Variants in KCNAB1 observed in about 807,000 individuals in gnomAD.
KCNAB1 encodes the protein potassium voltage-gated channel subfamily A regulatory beta subunit 1.
In KCNAB1, 35 loss-of-function variants were observed where a neutral mutation model predicts 64.6. The observed-to-expected ratio is 0.54, with a 90% CI of 0.41 to 0.72. The LOEUF (loss-of-function observed/expected upper bound fraction) is 0.72, where lower values mean the gene tolerates loss of function less well. KCNAB1 is among the 30% of genes least tolerant of loss of function. The pLI, the probability that KCNAB1 is intolerant of heterozygous loss-of-function variation, is 0.00. For synonymous variants in KCNAB1, 177 were observed against 183.8 expected, an observed-to-expected ratio of 0.96 and a Z score of 0.30; for missense variants, 401 against 512.9, an observed-to-expected ratio of 0.78 and a Z score of 2.11.
At chr3:156,445,736 T>C (rs1711508463) in intron 2 of KCNAB1, among the ~76,000 whole-genome samples, 2 of 152,212 alleles carry the variant, frequency 1.3e-5, no homozygotes, top group Admixed American at 6.5e-5. Context: ...CTCAGGATAG[T>C]TGCAGTCTAA....
chr3:156,233,065 A>G (rs1395933591), intron 1 of KCNAB1, among the ~76,000 whole-genome samples: 1 of 152,184 alleles, frequency 6.6e-6, no homozygotes. Context: ...ATTCTTTCAA[A>G]AAATAATAGT....
chr3:156,523,852 T>C lies in KCNAB1; in HGVS notation c.986T>C (p.Ile329Thr). 4 of 1,613,608 alleles carry C rather than the reference T, an allele frequency of 2.5e-6. No homozygotes were observed. The highest frequency in any genetic ancestry group is 2.5e-6 in the Non-Finnish European group (3 of 1,179,602). The change falls in exon 12 of 14, where the codon ATT becomes ACT. Residue 329 changes from isoleucine (I) to threonine (T), a missense_variant. Ile to Thr is a moderately conservative substitution (Grantham distance 89, BLOSUM62 -1). Coordinates refer to ENST00000490337, the MANE Select transcript of KCNAB1 (RefSeq NM_172160.3). ...LKCYQWLKERIVSEEGRKQQN... is the reference protein window; with the variant it reads ...LKCYQWLKERTVSEEGRKQQN... ...TGCTACCAGTGGTTGAAAGAAAGAATTGTAAGTGAAGAAGGGAGAAAACAG... is the reference window on the plus strand; with the variant it reads ...TGCTACCAGTGGTTGAAAGAAAGAACTGTAAGTGAAGAAGGGAGAAAACAG...
intron 1 of KCNAB1, among the ~76,000 whole-genome samples, chr3:156,318,822 C>T (rs1722468102): frequency 6.6e-6 from 1 of 152,132 alleles, no homozygotes; most frequent in South Asian, 2.1e-4. Flanking sequence ...TCACGAAATG[C>T]TACTTGGCCA....
chr3:156,324,837 T>C (rs1037737443), intron 1 of KCNAB1, among the ~76,000 whole-genome samples: 1 of 152,176 alleles, frequency 6.6e-6, no homozygotes, highest in Non-Finnish European at 1.5e-5. Flanking sequence ...CCAGACCCTT[T>C]GGAATCCAGT....
chr3:156,482,197 G>T (rs1360818931), intron 8 of KCNAB1, among the ~76,000 whole-genome samples: 2 of 150,016 alleles, frequency 1.3e-5, no homozygotes, highest in Non-Finnish European at 3.0e-5. Context: ...ATTTTCCAGG[G>T]TTAATCTATT....
At chr3:156,399,567 G>GGTCTGT (rs1463523284) in intron 1 of KCNAB1, among the ~76,000 whole-genome samples, 8 of 152,170 alleles carry the variant, frequency 5.3e-5, no homozygotes, top group African/African-American at 9.7e-5. Context: ...TTCAGAGGAA[G>GGTCTGT]GTCTGTGTGT....
At chr3:156,274,189 C>T (rs112447998) in intron 1 of KCNAB1, among the ~76,000 whole-genome samples, 4,378 of 149,880 alleles carry the variant, frequency 0.029, 235 homozygotes, top group African/African-American at 0.1. Flanking sequence ...CTCAACTACA[C>T]ACATGAACAA....
chr3:156,144,741 T>C (rs189381462), intron 1 of KCNAB1, among the ~76,000 whole-genome samples: 1 of 152,292 alleles, frequency 6.6e-6, no homozygotes, highest in East Asian at 1.9e-4. Flanking sequence ...GATGGACCAT[T>C]TCACTTTTAA....
At chr3:156,328,399 G>A (rs545034125) in intron 1 of KCNAB1, among the ~76,000 whole-genome samples, 10 of 152,156 alleles carry the variant, frequency 6.6e-5, no homozygotes, top group Admixed American at 2.6e-4. Flanking sequence ...CACCTCTTAC[G>A]GACACTGATC....
intron 1 of KCNAB1, among the ~76,000 whole-genome samples, chr3:156,306,378 C>A (rs535236564): frequency 2.0e-5 from 3 of 152,282 alleles, no homozygotes; most frequent in Non-Finnish European, 2.9e-5. Flanking sequence ...GAGCTACAAC[C>A]TTTTCTTCGA....
At chr3:156,143,686 G>T (rs541808143) in intron 1 of KCNAB1, among the ~76,000 whole-genome samples, 4 of 149,570 alleles carry the variant, frequency 2.7e-5, no homozygotes, top group African/African-American at 7.4e-5. Flanking sequence ...TCCAGAAGAA[G>T]TATCTTTGGC....
chr3:156,329,385 C>A (rs1338572752), intron 1 of KCNAB1, among the ~76,000 whole-genome samples: 1 of 152,058 alleles, frequency 6.6e-6, no homozygotes, highest in African/African-American at 2.4e-5. Flanking sequence ...TGCCTGCCTA[C>A]AATTCTTCAA....
chr3:156,363,830 G>C (rs1725777611), intron 1 of KCNAB1, among the ~76,000 whole-genome samples: 1 of 152,106 alleles, frequency 6.6e-6, no homozygotes. Context: ...TACATAAAAT[G>C]GTGCAGAATC....
chr3:156,511,715 A>G (rs1009768926), intron 8 of KCNAB1, among the ~76,000 whole-genome samples: 1 of 152,148 alleles, frequency 6.6e-6, no homozygotes, highest in Non-Finnish European at 1.5e-5. Context: ...AGCTCTTTCT[A>G]CTTCCTCCAG....
At chr3:156,376,769 T>C (rs562379445) in intron 1 of KCNAB1, among the ~76,000 whole-genome samples, 3 of 152,220 alleles carry the variant, frequency 2.0e-5, no homozygotes, top group East Asian at 1.9e-4. Flanking sequence ...GAGGGTTGTT[T>C]AGTTGTGTTT....
chr3:156,359,651 G>A (rs1725476115), intron 1 of KCNAB1, among the ~76,000 whole-genome samples: 1 of 152,168 alleles, frequency 6.6e-6, no homozygotes, highest in South Asian at 2.1e-4. Flanking sequence ...TCACTGTGGT[G>A]GGTATGCACC....
chr3:156,492,112 G>A (rs1327533230), intron 8 of KCNAB1, among the ~76,000 whole-genome samples: 1 of 152,082 alleles, frequency 6.6e-6, no homozygotes, highest in Non-Finnish European at 1.5e-5. Flanking sequence ...CTATAAAAAT[G>A]TATATTAATA....
chr3:156,341,243 C>T (rs1724092928), intron 1 of KCNAB1, among the ~76,000 whole-genome samples: 1 of 152,118 alleles, frequency 6.6e-6, no homozygotes, highest in Non-Finnish European at 1.5e-5. Context: ...TTCGTAGCAT[C>T]AAATGCTGGT....
chr3:156,264,352 C>T (rs1392865512), intron 1 of KCNAB1, among the ~76,000 whole-genome samples: 1 of 151,820 alleles, frequency 6.6e-6, no homozygotes, highest in Non-Finnish European at 1.5e-5. Context: ...CAATCTTTGT[C>T]TTTTCATTTA....
Sources: gnomAD v4.1 joint callset for allele counts (sites outside exome capture counted in the v4.1 genomes callset) on GRCh38, gnomAD v4.1.1 for gene constraint, MANE v1.5 for transcripts, NCBI Gene and HGNC (gene_info 2026-07-23, HGNC 2026-07-21) for gene names.